Variants in RECQL observed in about 807,000 individuals in gnomAD.
The protein encoded by RECQL is RecQ like helicase.
Under a neutral mutation model 75.8 loss-of-function variants are expected in RECQL, and 73 were observed. The ratio of observed to expected loss-of-function variants is 0.96; its 90% CI spans 0.80 to 1.17. RECQL has a LOEUF of 1.17. Ranked by LOEUF, RECQL falls within the 50% of genes most tolerant of loss-of-function variation. The pLI is 0.00. For synonymous variants in RECQL, 248 were observed against 254.4 expected, an observed-to-expected ratio of 0.97 and a Z score of 0.24; for missense variants, 699 against 772.1, an observed-to-expected ratio of 0.91 and a Z score of 1.12.
At chr12:21,492,330 G>C (rs1455250988) in intron 2 of RECQL, among the ~76,000 whole-genome samples, 2 of 152,172 alleles carry the variant, frequency 1.3e-5, no homozygotes, top group African/African-American at 4.8e-5. Context: ...CCCAGTGTAT[G>C]ATTCTAATCA....
At chr12:21,472,540 T>G (rs1942997981) in intron 12 of RECQL, among the ~76,000 whole-genome samples, 1 of 151,612 alleles carries the variant, frequency 6.6e-6, no homozygotes, top group African/African-American at 2.4e-5. Context: ...CTAGAAAAGG[T>G]TAGGGAGTTC....
chr12:21,498,979 A>G (rs1943556564), intron 2 of RECQL, among the ~76,000 whole-genome samples: 3 of 152,220 alleles, frequency 2.0e-5, no homozygotes, highest in African/African-American at 7.2e-5. Context: ...GATACATTAC[A>G]GTATTACCAA....
intron 6 of RECQL, among the ~76,000 whole-genome samples, chr12:21,482,865 G>A (rs533322625): frequency 6.6e-6 from 1 of 152,314 alleles, no homozygotes; most frequent in Admixed American, 6.5e-5. Flanking sequence ...GGATTAGGTG[G>A]TGGGGTGAAG....
At chr12:21,484,762 T>C (rs1375063481) in intron 5 of RECQL, among the ~76,000 whole-genome samples, 1 of 151,832 alleles carries the variant, frequency 6.6e-6, no homozygotes, top group Non-Finnish European at 1.5e-5. Flanking sequence ...TTGATATATA[T>C]ATATATATGA....
Position 21,475,878 on chromosome 12 carries a change from G to A in RECQL, c.950-54C>T, listed in dbSNP as rs10160843. On this transcript the variant is annotated intron_variant, in intron 8 of 14. Transcript: ENST00000444129. ...TAGATATGGCATATTCCTGGAAGAT[G>A]GTTTTCAACACACACATTCAGGACA... The A allele has an allele frequency of 1, 1,451,521 of 1,455,560 alleles. 723,849 individuals carry two copies. Among genetic ancestry groups the A allele is most frequent in the East Asian group, 1 (43,952 of 43,952 alleles). 90.2% of individuals were successfully genotyped at this position (1,455,560 alleles called of 1,614,324 possible).
At chr12:21,488,582 T>C (rs1346140175) in intron 4 of RECQL, among the ~76,000 whole-genome samples, 1 of 152,156 alleles carries the variant, frequency 6.6e-6, no homozygotes, top group African/African-American at 2.4e-5. Context: ...AAATTCATCA[T>C]CTTTCCCCTC....
At chr12:21,488,342 C>CT (rs1943345347) in intron 4 of RECQL, among the ~76,000 whole-genome samples, 1 of 152,150 alleles carries the variant, frequency 6.6e-6, no homozygotes, top group Non-Finnish European at 1.5e-5. Context: ...TCTGCAAGCC[C>CT]TTTTTCTCTG....
rs374038779 is a variant in RECQL, at chr12:21,471,056, C to A, written c.1710G>T (p.Leu570Phe). The A allele has an allele frequency of 6.2e-6, 10 of 1,601,794 alleles. No individual in the cohort carries two copies. The African/African-American group carries it at 1.2e-4, about 19-fold the overall frequency. The part of the protein sequence containing the change: ...SFTAYATISY[L>F]KIGPKANLLN... ...GAAGATTAGCTTTAGGTCCTATTTT[C>A]AAATACGAAATGGTAGCATAAGCTG... The change falls in exon 14 of 15, where the codon TTG becomes TTT. Residue 570 changes from leucine to phenylalanine, a missense_variant. By Grantham distance (22) the Leu-to-Phe change is conservative. Transcript: ENST00000444129.
chr12:21,493,954 T>C (rs1051361390), intron 2 of RECQL, among the ~76,000 whole-genome samples: 9 of 152,210 alleles, frequency 5.9e-5, no homozygotes. Context: ...TGCATTGATA[T>C]AAAGGCGTAT....
intron 2 of RECQL, among the ~76,000 whole-genome samples, chr12:21,495,883 T>C (rs528113461): frequency 3.6e-4 from 55 of 152,332 alleles, no homozygotes; most frequent in Non-Finnish European, 6.3e-4. Flanking sequence ...GCTAGTGATA[T>C]ACAGTGGGCC....
Position 21,491,652 on chromosome 12 carries a change from T to C in RECQL, c.81A>G (p.Glu27=). 1 of 1,613,906 alleles carries C rather than the reference T, an allele frequency of 6.2e-7. No homozygotes were observed. The highest frequency in any genetic ancestry group is 8.5e-7 in the Non-Finnish European group (1 of 1,179,930). ...ELHAVEIQIQ[E]LTERQQELIQ... is the part of the protein sequence containing the mutation. Reference sequence around the variant, plus strand: ...TAAGCTCTTGTTGCCTTTCCGTAAGTTCTTGAATTTGAATTTCTACTGCAT... The same window carrying C: ...TAAGCTCTTGTTGCCTTTCCGTAAGCTCTTGAATTTGAATTTCTACTGCAT... The change falls in exon 3 of 15, where the codon GAA becomes GAG. Residue 27 remains glutamate (E), a synonymous_variant. Transcript: ENST00000444129.
intron 1 of RECQL, 75 bp from the exon 2 acceptor site, chr12:21,499,690 C>G (rs1219545548): frequency 1.4e-6 from 1 of 730,424 alleles, no homozygotes; most frequent in Admixed American, 2.7e-5. Context: ...CAACAGTAAT[C>G]TGTCATTCCT....
At chr12:21,472,711 C>T (rs531040825) in intron 12 of RECQL, among the ~76,000 whole-genome samples, 48 of 152,126 alleles carry the variant, frequency 3.2e-4, no homozygotes, top group African/African-American at 1.1e-3. Context: ...CTGTTTTGAT[C>T]AGCAGGGTTG....
intron 12 of RECQL, among the ~76,000 whole-genome samples, chr12:21,472,268 A>G (rs184092777): frequency 2.8e-4 from 43 of 152,190 alleles, no homozygotes; most frequent in Admixed American, 6.6e-4. Context: ...TATAGTGCCA[A>G]AATGCTGCAG....
In RECQL at chr12:21,471,654, T is replaced by G. The variant is rs1418305569; in HGVS notation, c.1448-7A>C. 10 of 1,601,290 alleles carry G rather than the reference T, an allele frequency of 6.2e-6. No individual in the cohort carries two copies. The highest frequency in any genetic ancestry group is 8.6e-6 in the Non-Finnish European group (10 of 1,168,852). On this transcript the variant is annotated splice_polypyrimidine_tract_variant and splice_region_variant and intron_variant, in intron 12 of 14. Transcript: ENST00000444129. ...ATGTTCTTTCTTTCAAATGCTGTAATAAAACAAATATGGTAGCAGGTAATT... is the reference window on the plus strand; with the variant it reads ...ATGTTCTTTCTTTCAAATGCTGTAAGAAAACAAATATGGTAGCAGGTAATT...
intron 5 of RECQL, among the ~76,000 whole-genome samples, chr12:21,484,303 C>T (rs777897620): frequency 3.3e-5 from 5 of 152,114 alleles, no homozygotes; most frequent in Non-Finnish European, 7.4e-5. Flanking sequence ...AGTTTGTTAA[C>T]TCCTAGATAT....
At chr12:21,477,718 C>T in intron 7 of RECQL, 85 bp downstream of exon 7, 1 of 1,149,440 alleles carries the variant, frequency 8.7e-7, no homozygotes, top group Non-Finnish European at 1.2e-6. Flanking sequence ...TACTTAACTG[C>T]TCATGTAAAT....
rs570245169 is a variant in RECQL at position 21,483,719 on chromosome 12, G to T, written c.502-145C>A. ...AGCAGATGTTTAGTTCATTAAAACTGAAACCATGTCTCAGTACGAAACATC... is the reference window on the plus strand; with the variant it reads ...AGCAGATGTTTAGTTCATTAAAACTTAAACCATGTCTCAGTACGAAACATC... On this transcript the variant is annotated intron_variant, in intron 5 of 14. Coordinates refer to ENST00000444129, the MANE Select transcript of RECQL (RefSeq NM_002907.4). 16 of 619,364 alleles carry T rather than the reference G, an allele frequency of 2.6e-5. No individual in the cohort carries two copies. In the South Asian group the frequency reaches 2.7e-4, roughly 10 times the overall value. The allele number at this position is 619,364 out of a possible 1,614,324, so 38.4% of individuals were successfully genotyped here.
At chr12:21,475,895 T>G in intron 8 of RECQL, 71 bp from the exon 9 acceptor site, 17 of 1,247,162 alleles carry the variant, frequency 1.4e-5, no homozygotes, top group South Asian at 2.5e-5. Flanking sequence ...AACACACACA[T>G]TCAGGACATT....
Sources: allele counts gnomAD v4.1 joint callset (sites outside exome capture counted in the v4.1 genomes callset), GRCh38; gene constraint gnomAD v4.1.1; transcripts MANE v1.5; gene names NCBI Gene and HGNC (gene_info 2026-07-23, HGNC 2026-07-21).